Variants in KCNMA1 observed in about 807,000 individuals in gnomAD.
KCNMA1 encodes potassium calcium-activated channel subfamily M alpha 1.
Under a neutral mutation model 140.0 loss-of-function variants are expected in KCNMA1, and 29 were observed. The observed-to-expected ratio is 0.21, with a 90% confidence interval of 0.15 to 0.28. The LOEUF is 0.28. Ranked by LOEUF, KCNMA1 falls within the 10% of genes least tolerant of loss-of-function variation. The pLI, the probability that KCNMA1 is intolerant of heterozygous loss-of-function variation, is 1.00. For missense variants in KCNMA1, 880 were observed against 1,602.2 expected (o/e 0.55, Z 7.70); for synonymous variants, 612 against 611.9 (o/e 1.00, Z 0.00).
chr10:77,012,558 C>T (rs908798210), intron 17 of KCNMA1: 18 of 1,549,716 alleles, frequency 1.2e-5, no homozygotes, highest in Non-Finnish European at 1.5e-5. Context: ...TTGAGGAGGT[C>T]TGCAGAGAGG....
At chr10:77,200,096 G>A (rs991435179) in intron 3 of KCNMA1, among the ~76,000 whole-genome samples, 2 of 151,994 alleles carry the variant, frequency 1.3e-5, no homozygotes, top group African/African-American at 2.4e-5. Context: ...GACTACAGGC[G>A]CCTGCCACCA....
chr10:77,594,676 G>A (rs1044389330), intron 1 of KCNMA1, among the ~76,000 whole-genome samples: 2 of 152,218 alleles, frequency 1.3e-5, no homozygotes. Flanking sequence ...AGGGCACTAA[G>A]AGACCATGGT....
At position 77,503,841 on chromosome 10, in the gene KCNMA1, C is replaced by T. The variant is rs12769118; in HGVS notation, c.379-99818G>A. Reference sequence around the variant, plus strand: ...GGGATTTTTCAGTGCTGGAAGGGGTCCCCACCATATTAGCAACAAGGTATC... The same window carrying T: ...GGGATTTTTCAGTGCTGGAAGGGGTTCCCACCATATTAGCAACAAGGTATC... On this transcript the variant is annotated intron_variant, in intron 1 of 27. Transcript: ENST00000286628. 2.9e-3 allele frequency among the ~76,000 whole-genome samples: 449 copies of T among 152,288 alleles called. 3 individuals are homozygous for T. The highest frequency in any genetic ancestry group is 4.7e-3 in the Non-Finnish European group (323 of 68,020).
intron 2 of KCNMA1, among the ~76,000 whole-genome samples, chr10:77,280,625 C>T (rs948239671): frequency 6.6e-6 from 1 of 151,912 alleles, no homozygotes; most frequent in Non-Finnish European, 1.5e-5. Flanking sequence ...CTCCTAGGCT[C>T]AAGGGCTCCT....
At chr10:77,405,542 T>A (rs1340675736) in intron 1 of KCNMA1, among the ~76,000 whole-genome samples, 1 of 152,222 alleles carries the variant, frequency 6.6e-6, no homozygotes, top group Admixed American at 6.5e-5. Context: ...AACAAATAAC[T>A]TTTTAGTATA....
At chr10:77,622,354 T>G (rs1264947960) in intron 1 of KCNMA1, among the ~76,000 whole-genome samples, 5 of 152,146 alleles carry the variant, frequency 3.3e-5, no homozygotes, top group Non-Finnish European at 5.9e-5. Flanking sequence ...CAGGAAGAGC[T>G]AAGGAGGTAT....
intron 9 of KCNMA1, among the ~76,000 whole-genome samples, chr10:77,097,673 C>T (rs2096968182): frequency 6.6e-6 from 1 of 152,050 alleles, no homozygotes. Context: ...AACCCCAAAC[C>T]CTGACTATCA....
At chr10:77,096,899 T>C (rs768797195) in intron 9 of KCNMA1, among the ~76,000 whole-genome samples, 70 of 152,276 alleles carry the variant, frequency 4.6e-4, no homozygotes, top group Non-Finnish European at 5.7e-4. Flanking sequence ...CATCTCACCA[T>C]TGGTAGCCCC....
At chr10:76,952,745 T>C (rs1010197997) in intron 21 of KCNMA1, among the ~76,000 whole-genome samples, 5 of 152,156 alleles carry the variant, frequency 3.3e-5, no homozygotes, top group Admixed American at 2.6e-4. Flanking sequence ...AGATAAAGCA[T>C]AGGGGAAAGT....
chr10:77,123,429 G>T (rs2097668180), intron 5 of KCNMA1, among the ~76,000 whole-genome samples: 1 of 152,126 alleles, frequency 6.6e-6, no homozygotes, highest in Non-Finnish European at 1.5e-5. Flanking sequence ...GAGGGGGCAA[G>T]GGCTGGAAAT....
intron 1 of KCNMA1, among the ~76,000 whole-genome samples, chr10:77,533,225 A>T (rs1217200630): frequency 6.6e-6 from 1 of 152,150 alleles, no homozygotes; most frequent in African/African-American, 2.4e-5. Flanking sequence ...CAACAAGGTC[A>T]TACTACACAT....
Position 77,110,218 on chromosome 10 carries a change from G to A in KCNMA1, c.1086C>T (p.Thr362=), listed in dbSNP as rs1564595933. 1 of 1,613,988 alleles carries A rather than the reference G, an allele frequency of 6.2e-7. No individual in the cohort carries two copies. Among genetic ancestry groups the A allele is most frequent in the Non-Finnish European group, 8.5e-7 (1 of 1,179,974 alleles). The part of the protein sequence containing the change: ...TVGYGDVYAK[T]TLGRLFMVFF... ...AGACCATGAAGAGGCGCCCAAGTGT[G>A]GTTTTTGCATAAACATCCCCATAAC... Residue 362 remains threonine, a synonymous_variant, in exon 8 of 28, where the codon ACC becomes ACT. Coordinates refer to ENST00000286628, the MANE Select transcript of KCNMA1 (RefSeq NM_001161352.2).
chr10:77,182,988 T>C (rs1027402371), intron 5 of KCNMA1, among the ~76,000 whole-genome samples: 1 of 152,100 alleles, frequency 6.6e-6, no homozygotes, highest in African/African-American at 2.4e-5. Flanking sequence ...TACCTATAAA[T>C]AGACCATGCA....
intron 1 of KCNMA1, among the ~76,000 whole-genome samples, chr10:77,580,435 C>G (rs971730348): frequency 2.0e-5 from 3 of 151,694 alleles, no homozygotes; most frequent in African/African-American, 4.8e-5. Context: ...ACTAAAATCT[C>G]TAGGGATGAA....
intron 1 of KCNMA1, among the ~76,000 whole-genome samples, chr10:77,595,109 G>A (rs1329077485): frequency 6.6e-6 from 1 of 152,190 alleles, no homozygotes; most frequent in African/African-American, 2.4e-5. Flanking sequence ...ACTTTGGGAG[G>A]CCAAGGCGGG....
chr10:77,623,886 A>AATGT (rs2092012686), intron 1 of KCNMA1, among the ~76,000 whole-genome samples: 1 of 152,198 alleles, frequency 6.6e-6, no homozygotes, highest in African/African-American at 2.4e-5. Flanking sequence ...GTGTTAATGT[A>AATGT]ATGTATCTGT....
intron 1 of KCNMA1, among the ~76,000 whole-genome samples, chr10:77,555,379 C>T (rs1033818401): frequency 4.6e-5 from 7 of 151,338 alleles, no homozygotes; most frequent in Non-Finnish European, 1.0e-4. Flanking sequence ...CCTCATGGGG[C>T]AGAAAGAAAA....
chr10:77,389,122 T>C (rs981529802), intron 2 of KCNMA1, among the ~76,000 whole-genome samples: 6 of 152,240 alleles, frequency 3.9e-5, no homozygotes, highest in Non-Finnish European at 8.8e-5. Context: ...TTTTTAAAGT[T>C]CATCTAAAAG....
chr10:77,039,556 C>T lies in KCNMA1; in HGVS notation c.1831G>A (p.Val611Met), dbSNP rs200668674. Residue 611 changes from valine (V) to methionine (M), a missense_variant, in exon 15 of 28, where the codon GTG (valine) becomes ATG (methionine). Transcript: ENST00000286628. ...MYTEYLSSAF[V>M]GLSFPTVCEL... ...CAAACAGTAGGGAAGGACAGACCCA[C>T]GAAGGCACTGGAGAGATATTCTGTG... The T allele has an allele frequency of 9.9e-6, 16 of 1,610,264 alleles. No homozygotes were observed. The highest frequency in any genetic ancestry group is 2.2e-5 in the East Asian group (1 of 44,862).
Sources: gnomAD v4.1 joint callset for allele counts (sites outside exome capture counted in the v4.1 genomes callset) on GRCh38, gnomAD v4.1.1 for gene constraint, MANE v1.5 for transcripts, NCBI Gene and HGNC (gene_info 2026-07-23, HGNC 2026-07-21) for gene names.